The following PARVA variants were observed in gnomAD, a reference collection of about 807,000 sequenced individuals.
PARVA encodes the protein parvin alpha.
PARVA carries 25 observed loss-of-function variants against 52.6 expected under a neutral mutation model. That is an observed-to-expected ratio of 0.48 (90% CI 0.35 to 0.66). The LOEUF is 0.66. PARVA is among the 30% of genes least tolerant of loss of function. PARVA has a pLI of 0.01. For missense variants in PARVA, 373 were observed against 450.9 expected, an observed-to-expected ratio of 0.83 and a Z score of 1.56; for synonymous variants, 185 against 179.1, an observed-to-expected ratio of 1.03 and a Z score of -0.26.
chr11:12,377,439 G>A (rs1939408093), upstream of PARVA: 1 of 1,380,856 alleles, frequency 7.2e-7, no homozygotes, highest in Non-Finnish European at 9.3e-7. Flanking sequence ...GGCCCCGGGA[G>A]CGCAGCTCCT....
intron 1 of PARVA, among the ~76,000 whole-genome samples, chr11:12,443,433 G>A (rs753199153): frequency 1.1e-4 from 16 of 152,094 alleles, no homozygotes; most frequent in East Asian, 1.9e-4. Context: ...GCCTCCCAAA[G>A]TGCTGGGATT....
At chr11:12,377,903 G>T (rs1939424978) in intron 1 of PARVA, 120 bp downstream of exon 1, 2 of 429,214 alleles carry the variant, frequency 4.7e-6, no homozygotes, top group Non-Finnish European at 6.9e-6. Context: ...GGTGGGGCGC[G>T]CGGCGATGCG....
Position 12,470,661 on chromosome 11 carries a change from G to C in PARVA, c.137-3084G>C, listed in dbSNP as rs1020123597. ...AACAGCCATATAAGTTTTTATTTCA[G>C]ATCATGATGAGAAAATAGATCATGA... On this transcript the variant is annotated intron_variant, in intron 1 of 12. Transcript: ENST00000334956. Among the ~76,000 whole-genome samples, 9 of 149,892 alleles carry C rather than the reference G, an allele frequency of 6.0e-5. No individual in the cohort carries two copies. In the South Asian group the frequency reaches 6.3e-4, roughly 10 times the overall value.
intron 1 of PARVA, among the ~76,000 whole-genome samples, chr11:12,378,914 G>A (rs1429041986): frequency 6.6e-6 from 1 of 152,172 alleles, no homozygotes; most frequent in Non-Finnish European, 1.5e-5. Context: ...AGTCCACACA[G>A]TAAAGTGAAA....
chr11:12,398,077 A>G (rs1939775903), intron 1 of PARVA, among the ~76,000 whole-genome samples: 1 of 151,808 alleles, frequency 6.6e-6, no homozygotes, highest in Admixed American at 6.6e-5. Context: ...TGGCAGGGAG[A>G]GATGGGAGTT....
At chr11:12,501,325 T>C (rs1364227850) in intron 5 of PARVA, among the ~76,000 whole-genome samples, 1 of 152,134 alleles carries the variant, frequency 6.6e-6, no homozygotes, top group Non-Finnish European at 1.5e-5. Flanking sequence ...TATACACATA[T>C]ACACATATAT....
chr11:12,496,638 C>T, intron 5 of PARVA, 40 bp downstream of exon 5: 1 of 1,586,666 alleles, frequency 6.3e-7, no homozygotes, highest in Non-Finnish European at 8.6e-7. Context: ...TAAACAATGC[C>T]TGTGGTCCCT....
chr11:12,403,550 TATG>T (rs1334632445), intron 1 of PARVA, among the ~76,000 whole-genome samples: 1 of 152,214 alleles, frequency 6.6e-6, no homozygotes, highest in Admixed American at 6.5e-5. Context: ...AATGTTTAGT[TATG>T]AGGAGAAACT....
chr11:12,379,461 T>G (rs1459090861), intron 1 of PARVA, among the ~76,000 whole-genome samples: 2 of 152,224 alleles, frequency 1.3e-5, no homozygotes, highest in Non-Finnish European at 2.9e-5. Context: ...TTCTAGATAT[T>G]TTGAAATATA....
intron 11 of PARVA, 49 bp from the exon 12 acceptor site, chr11:12,518,396 G>C (rs1258005793): frequency 2.8e-6 from 4 of 1,414,130 alleles, no homozygotes; most frequent in Non-Finnish European, 4.0e-6. Context: ...CCAGGTCCTG[G>C]GGCTCCTGGG....
intron 1 of PARVA, among the ~76,000 whole-genome samples, chr11:12,418,022 G>T (rs7927061): frequency 0.58 from 88,230 of 152,040 alleles, 26,093 homozygotes; most frequent in African/African-American, 0.7. Flanking sequence ...GGGAAGAGAA[G>T]TCACTTGAGA....
chr11:12,458,143 C>T (rs528570605), intron 1 of PARVA, among the ~76,000 whole-genome samples: 5 of 152,256 alleles, frequency 3.3e-5, no homozygotes, highest in Non-Finnish European at 7.3e-5. Flanking sequence ...TGGCTTTCCC[C>T]AGTGCTGTGA....
At chr11:12,385,334 ATAAT>A (rs897807484) in intron 1 of PARVA, among the ~76,000 whole-genome samples, 6 of 152,184 alleles carry the variant, frequency 3.9e-5, no homozygotes, top group African/African-American at 1.4e-4. Context: ...GTCTCAATAA[ATAAT>A]AAATAAATAA....
chr11:12,416,102 G>C (rs1940061552), intron 1 of PARVA, among the ~76,000 whole-genome samples: 1 of 152,150 alleles, frequency 6.6e-6, no homozygotes. Context: ...TGATTGAGGG[G>C]GAATTTTCCC....
intron 1 of PARVA, among the ~76,000 whole-genome samples, chr11:12,394,271 G>A (rs78742441): frequency 0.093 from 14,141 of 152,108 alleles, 658 homozygotes; most frequent in South Asian, 0.1. Flanking sequence ...AAGAAGATGA[G>A]AGATCCAAAG....
intron 4 of PARVA, among the ~76,000 whole-genome samples, chr11:12,492,016 T>A (rs7931997): frequency 0.23 from 34,265 of 152,162 alleles, 4,501 homozygotes; most frequent in Middle Eastern, 0.32. Flanking sequence ...GACAAAAGTA[T>A]TTTTTAAACA....
intron 4 of PARVA, among the ~76,000 whole-genome samples, chr11:12,493,610 G>A (rs1338238812): frequency 4.3e-4 from 16 of 37,158 alleles, no homozygotes; most frequent in South Asian, 2.7e-3. Context: ...AATACCAGAC[G>A]CTAAAAAAAA....
chr11:12,420,628 C>G (rs1240027165), intron 1 of PARVA, among the ~76,000 whole-genome samples: 2 of 152,162 alleles, frequency 1.3e-5, no homozygotes, highest in Non-Finnish European at 2.9e-5. Flanking sequence ...ATCCAGAGCC[C>G]AACACCTGTT....
chr11:12,424,080 A>C (rs1247800657), intron 1 of PARVA, among the ~76,000 whole-genome samples: 1 of 152,182 alleles, frequency 6.6e-6, no homozygotes, highest in Non-Finnish European at 1.5e-5. Flanking sequence ...ATCAAGAGCA[A>C]TGGATATAAC....
Sources: gnomAD v4.1 joint callset for allele counts (sites outside exome capture counted in the v4.1 genomes callset) on GRCh38, gnomAD v4.1.1 for gene constraint, MANE v1.5 for transcripts, NCBI Gene and HGNC (gene_info 2026-07-23, HGNC 2026-07-21) for gene names.